CCDC50: variants seen among roughly 807,000 people sequenced by gnomAD.
CCDC50 encodes the protein coiled-coil domain containing 50, also known as coiled-coil domain-containing protein 50.
Under a neutral mutation model 70.2 loss-of-function variants are expected in CCDC50, and 54 were observed. That is an observed-to-expected ratio of 0.77 (90% CI 0.62 to 0.96). The LOEUF is 0.96. CCDC50 is among the 50% of genes least tolerant of loss of function. CCDC50 has a pLI of 0.00. For missense variants in CCDC50, 558 were observed against 578.7 expected (o/e 0.96, Z 0.37); for synonymous variants, 216 against 198.8 (o/e 1.09, Z -0.73).
chr3:191,346,003 G>A (rs1166667216), intron 1 of CCDC50, among the ~76,000 whole-genome samples: 1 of 152,140 alleles, frequency 6.6e-6, no homozygotes, highest in Non-Finnish European at 1.5e-5. Context: ...ACATTTCTTT[G>A]CAGTAAAGAG....
At chr3:191,346,459 G>A (rs972356145) in intron 1 of CCDC50, among the ~76,000 whole-genome samples, 6 of 152,132 alleles carry the variant, frequency 3.9e-5, no homozygotes. Context: ...TATAGTCAGG[G>A]TATCCTATAG....
chr3:191,337,152 G>A (rs1392575723), intron 1 of CCDC50, among the ~76,000 whole-genome samples: 1 of 149,754 alleles, frequency 6.7e-6, no homozygotes, highest in African/African-American at 2.5e-5. Context: ...AATTTTTTGC[G>A]ACCTGATACT....
Position 191,395,191 on chromosome 3 carries a change from CG to C in CCDC50, c.*3432del, listed in dbSNP as rs1430599437. ...AATTCTGGACCTGATTCATTAACCC[CG>C]CTTTTCTTCTCTAATGTGTCCTGAA... On this transcript the variant is annotated 3_prime_UTR_variant, in exon 12 of 12. Transcript: ENST00000392455. 13 of 152,086 alleles carry C rather than the reference CG, an allele frequency of 8.5e-5. No individual in the cohort carries two copies. The highest frequency in any genetic ancestry group is 8.5e-4 in the Admixed American group (13 of 15,264). 9.4% of individuals were successfully genotyped at this position (152,086 alleles called of 1,614,324 possible).
intron 5 of CCDC50, among the ~76,000 whole-genome samples, chr3:191,374,787 T>TTG (rs1713034680): frequency 6.6e-6 from 1 of 152,198 alleles, no homozygotes; most frequent in South Asian, 2.1e-4. Context: ...TATTAAAGTG[T>TTG]TGTTAGCTCT....
intron 3 of CCDC50, among the ~76,000 whole-genome samples, chr3:191,358,380 A>AG (rs1421054892): frequency 6.6e-6 from 1 of 152,226 alleles, no homozygotes; most frequent in African/African-American, 2.4e-5. Flanking sequence ...ACCTTGGGCC[A>AG]GTTAGTCAAC....
chr3:191,383,019 C>T (rs1205872505), intron 10 of CCDC50, among the ~76,000 whole-genome samples, 194 bp downstream of exon 10: 1 of 152,092 alleles, frequency 6.6e-6, no homozygotes, highest in Non-Finnish European at 1.5e-5. Context: ...TACATCAAAT[C>T]AGAATTTTAC....
Position 191,391,732 on chromosome 3 carries a change from C to G in CCDC50, c.1430-9C>G, listed in dbSNP as rs794727079. On this transcript the variant is annotated splice_polypyrimidine_tract_variant and intron_variant, in intron 11 of 11. Coordinates refer to ENST00000392455, the MANE Select transcript of CCDC50 (RefSeq NM_178335.3). Reference sequence around the variant, plus strand: ...TTAATTGTGTTTCCTTTTTTCTTCCCCTCCCCAGGTTTTCATTACAAACAT... The same window carrying G: ...TTAATTGTGTTTCCTTTTTTCTTCCGCTCCCCAGGTTTTCATTACAAACAT... 2.5e-6 allele frequency: 4 copies of G among 1,612,454 alleles called. No individual in the cohort carries two copies. Among genetic ancestry groups the G allele is most frequent in the Admixed American group, 1.7e-5 (1 of 59,938 alleles).
At chr3:191,334,536 G>A (rs1287573491) in intron 1 of CCDC50, among the ~76,000 whole-genome samples, 1 of 152,102 alleles carries the variant, frequency 6.6e-6, no homozygotes, top group Non-Finnish European at 1.5e-5. Flanking sequence ...AAATCCCAGG[G>A]TCAGGGAGGG....
At chr3:191,374,482 G>A (rs1468957798) in intron 5 of CCDC50, among the ~76,000 whole-genome samples, 4 of 151,992 alleles carry the variant, frequency 2.6e-5, no homozygotes, top group Admixed American at 6.6e-5. Context: ...AACTGTAATA[G>A]AGGGCTAATT....
rs567945985 is a variant in CCDC50 at position 191,381,798 on chromosome 3, G to A, written c.1242+866G>A. Reference sequence around the variant, plus strand: ...AGGTTGTGTATTCCTTACACAGTTGGTGTTTAGCGCTGGTCTCTCTTGAAC... The same window carrying A: ...AGGTTGTGTATTCCTTACACAGTTGATGTTTAGCGCTGGTCTCTCTTGAAC... On this transcript the variant is annotated intron_variant, in intron 9 of 11. Transcript: ENST00000392455. Among the ~76,000 whole-genome samples the A allele has an allele frequency of 1.1e-3, 174 of 152,216 alleles. 1 individual carries two copies. Among genetic ancestry groups the A allele is most frequent in the African/African-American group, 4.0e-3 (168 of 41,550 alleles).
chr3:191,373,536 A>G (rs1394723390), intron 5 of CCDC50, among the ~76,000 whole-genome samples: 1 of 152,070 alleles, frequency 6.6e-6, no homozygotes, highest in Non-Finnish European at 1.5e-5. Flanking sequence ...AACACCGTAA[A>G]CCATTGTTCC....
intron 4 of CCDC50, among the ~76,000 whole-genome samples, chr3:191,362,794 G>C (rs1006940808): frequency 6.6e-6 from 1 of 152,160 alleles, no homozygotes; most frequent in Admixed American, 6.5e-5. Context: ...GAAACACCTG[G>C]TATGAGAGTA....
At chr3:191,346,857 T>C (rs1711944477) in intron 1 of CCDC50, among the ~76,000 whole-genome samples, 1 of 152,202 alleles carries the variant, frequency 6.6e-6, no homozygotes, top group African/African-American at 2.4e-5. Context: ...TAAAACCCTT[T>C]TTGATAGTGT....
intron 5 of CCDC50, chr3:191,370,360 C>T (rs1014120173): frequency 3.4e-6 from 1 of 295,990 alleles, no homozygotes; most frequent in Non-Finnish European, 6.4e-6. Flanking sequence ...GCTATCCCTC[C>T]CCCCTCCCCC....
At chr3:191,377,206 G>A (rs1232626753) in intron 6 of CCDC50, among the ~76,000 whole-genome samples, 5 of 152,072 alleles carry the variant, frequency 3.3e-5, no homozygotes, top group African/African-American at 1.2e-4. Flanking sequence ...GTAGGCATTT[G>A]ATTTTGTAAC....
chr3:191,344,265 C>T (rs780489322), intron 1 of CCDC50, among the ~76,000 whole-genome samples: 1 of 152,140 alleles, frequency 6.6e-6, no homozygotes, highest in East Asian at 1.9e-4. Flanking sequence ...CATACCGTCA[C>T]GTTGTGATTA....
chr3:191,344,794 G>C (rs1306309512), intron 1 of CCDC50, among the ~76,000 whole-genome samples: 1 of 152,192 alleles, frequency 6.6e-6, no homozygotes, highest in East Asian at 1.9e-4. Flanking sequence ...GCCCAGGCTG[G>C]TCTCGAACTC....
At chr3:191,381,343 TTC>T (rs1447004467) in intron 9 of CCDC50, among the ~76,000 whole-genome samples, 2 of 152,156 alleles carry the variant, frequency 1.3e-5, no homozygotes, top group Non-Finnish European at 2.9e-5. Flanking sequence ...ATGTATCCGT[TTC>T]TCTTTCCTTT....
Position 191,329,621 on chromosome 3 carries a change from C to G in CCDC50, c.-54C>G. The stretch of plus-strand genomic sequence containing the variant: ...GCTGCGCTCGGGGCCCCGCTCGGCG[C>G]CGGCGGTGACCGGGAAGCCCGCGTT... On this transcript the variant is annotated 5_prime_UTR_variant, in exon 1 of 12. Coordinates refer to ENST00000392455, the MANE Select transcript of CCDC50 (RefSeq NM_178335.3). 1 of 1,574,530 alleles carries G rather than the reference C, an allele frequency of 6.4e-7. No individual in the cohort carries two copies. Among genetic ancestry groups the G allele is most frequent in the Non-Finnish European group, 8.6e-7 (1 of 1,160,400 alleles).
Sources: gnomAD v4.1 joint callset for allele counts (sites outside exome capture counted in the v4.1 genomes callset) on GRCh38, gnomAD v4.1.1 for gene constraint, MANE v1.5 for transcripts, NCBI Gene and HGNC (gene_info 2026-07-23, HGNC 2026-07-21) for gene names.